Variants in PIBF1 observed in about 807,000 individuals in gnomAD.
The protein encoded by PIBF1 is progesterone immunomodulatory binding factor 1.
In PIBF1, 90 loss-of-function variants were observed where a neutral mutation model predicts 112.5. The ratio of observed to expected loss-of-function variants is 0.80; its 90% CI spans 0.67 to 0.95. The LOEUF is 0.95. Among genes scored for constraint, PIBF1 ranks in the 40% least tolerant of loss-of-function variants. The pLI is 0.00. For missense variants in PIBF1, 915 were observed against 852.3 expected, an observed-to-expected ratio of 1.07 and a Z score of -0.92; for synonymous variants, 301 against 288.6, an observed-to-expected ratio of 1.04 and a Z score of -0.44.
intron 10 of PIBF1, among the ~76,000 whole-genome samples, chr13:72,889,929 A>G (rs1221775904): frequency 3.9e-5 from 6 of 152,230 alleles, no homozygotes; most frequent in African/African-American, 1.4e-4. Flanking sequence ...TTTTGTGTAC[A>G]GAATTCAAAA....
At chr13:72,798,779 A>G (rs895405650) in intron 5 of PIBF1, among the ~76,000 whole-genome samples, 1 of 152,154 alleles carries the variant, frequency 6.6e-6, no homozygotes, top group Non-Finnish European at 1.5e-5. Context: ...TTTTCTTCAA[A>G]TATTTCGTTA....
intron 10 of PIBF1, among the ~76,000 whole-genome samples, chr13:72,861,893 T>C (rs1786589813): frequency 6.6e-6 from 1 of 151,840 alleles, no homozygotes. Context: ...TATATGAAAA[T>C]GATAGTATAG....
chr13:72,844,916 C>G (rs1003801574), intron 9 of PIBF1, among the ~76,000 whole-genome samples: 1 of 149,554 alleles, frequency 6.7e-6, no homozygotes, highest in Non-Finnish European at 1.5e-5. Context: ...GCCACCATTC[C>G]CAGACAAGCA....
intron 9 of PIBF1, among the ~76,000 whole-genome samples, chr13:72,841,023 A>G (rs1280073586): frequency 2.0e-5 from 3 of 152,200 alleles, no homozygotes; most frequent in Non-Finnish European, 4.4e-5. Context: ...TTGAAGTTAA[A>G]GTATTGAGAG....
At chr13:72,843,468 G>C (rs1351619719) in intron 9 of PIBF1, among the ~76,000 whole-genome samples, 1 of 152,224 alleles carries the variant, frequency 6.6e-6, no homozygotes, top group Non-Finnish European at 1.5e-5. Context: ...CTGGAGTGCA[G>C]TGGCACAGTC....
At chr13:72,860,811 A>G (rs1456154378) in intron 10 of PIBF1, among the ~76,000 whole-genome samples, 1 of 152,218 alleles carries the variant, frequency 6.6e-6, no homozygotes, top group Non-Finnish European at 1.5e-5. Context: ...TACAAAGGAA[A>G]GGACTTTTCT....
intron 17 of PIBF1, among the ~76,000 whole-genome samples, chr13:73,001,841 C>G (rs2043880866): frequency 6.6e-6 from 1 of 152,020 alleles, no homozygotes; most frequent in South Asian, 2.1e-4. Flanking sequence ...TCAGGCTGGT[C>G]TCAAACTCCT....
intron 8 of PIBF1, 139 bp downstream of exon 8, chr13:72,828,053 A>G: frequency 5.6e-6 from 2 of 357,136 alleles, no homozygotes; most frequent in South Asian, 1.5e-4. Context: ...ACCTTATTTT[A>G]TTTTATTTTA....
chr13:72,843,571 C>G (rs1050475931), intron 9 of PIBF1, among the ~76,000 whole-genome samples: 2 of 152,174 alleles, frequency 1.3e-5, no homozygotes, highest in African/African-American at 2.4e-5. Context: ...GCCACTATGC[C>G]CAGCTAATTT....
intron 10 of PIBF1, among the ~76,000 whole-genome samples, chr13:72,882,066 G>A (rs1372217602): frequency 6.6e-6 from 1 of 151,848 alleles, no homozygotes; most frequent in East Asian, 1.9e-4. Context: ...AACCAAAACA[G>A]CATGGTACCA....
chr13:72,997,485 A>G (rs979785063), intron 16 of PIBF1, among the ~76,000 whole-genome samples: 3 of 152,240 alleles, frequency 2.0e-5, no homozygotes, highest in African/African-American at 7.2e-5. Flanking sequence ...GAAAGGAGAA[A>G]GGATTCTGAC....
intron 10 of PIBF1, among the ~76,000 whole-genome samples, chr13:72,881,384 A>G (rs1347492014): frequency 6.6e-6 from 1 of 152,176 alleles, no homozygotes; most frequent in East Asian, 1.9e-4. Flanking sequence ...AAGTATTCCC[A>G]TTTACAATAG....
At chr13:72,926,632 C>A (rs1026463141) in intron 13 of PIBF1, among the ~76,000 whole-genome samples, 8 of 152,162 alleles carry the variant, frequency 5.3e-5, no homozygotes, top group African/African-American at 1.9e-4. Flanking sequence ...CATAAAATAT[C>A]TCTGCCTATA....
chr13:72,813,400 G>A (rs1047241218), intron 5 of PIBF1, among the ~76,000 whole-genome samples: 3 of 152,098 alleles, frequency 2.0e-5, no homozygotes, highest in East Asian at 1.9e-4. Context: ...TTCCAGTTAC[G>A]TATTGCTGCA....
chr13:72,858,023 T>TTGCTTTGTG (rs71099760), intron 10 of PIBF1, among the ~76,000 whole-genome samples: 261 of 141,312 alleles, frequency 1.8e-3, no homozygotes, highest in African/African-American at 5.7e-3. Context: ...CAAATGTACA[T>TTGCTTTGTG]TGTGTGTGTG....
intron 14 of PIBF1, among the ~76,000 whole-genome samples, chr13:72,931,820 C>T (rs1433611298): frequency 2.7e-5 from 4 of 146,380 alleles, no homozygotes; most frequent in Non-Finnish European, 4.5e-5. Flanking sequence ...TTTTGAAATG[C>T]GAGTCATAAA....
intron 11 of PIBF1, among the ~76,000 whole-genome samples, chr13:72,896,645 C>A (rs577200983): frequency 4.0e-5 from 6 of 151,792 alleles, no homozygotes; most frequent in Non-Finnish European, 8.8e-5. Context: ...TTTAAAAATG[C>A]GAAATGTTCT....
chr13:72,993,866 A>G (rs1340721961), intron 16 of PIBF1, among the ~76,000 whole-genome samples: 1 of 152,130 alleles, frequency 6.6e-6, no homozygotes, highest in African/African-American at 2.4e-5. Flanking sequence ...CTCTCAGAAC[A>G]TTAATAAATT....
chr13:72,784,839 A>C (rs1484315988), intron 2 of PIBF1, among the ~76,000 whole-genome samples: 2 of 152,126 alleles, frequency 1.3e-5, no homozygotes, highest in Non-Finnish European at 2.9e-5. Context: ...TTGTAGGCTC[A>C]ATTTAAAAAA....
Sources: gnomAD v4.1 joint callset for allele counts (sites outside exome capture counted in the v4.1 genomes callset) on GRCh38, gnomAD v4.1.1 for gene constraint, MANE v1.5 for transcripts, NCBI Gene and HGNC (gene_info 2026-07-23, HGNC 2026-07-21) for gene names.